The following DNMT3A variants were observed in gnomAD, a reference collection of about 807,000 sequenced individuals.
The protein encoded by DNMT3A is DNA methyltransferase 3 alpha.
In DNMT3A, 267 loss-of-function variants were observed where a neutral mutation model predicts 117.6. That is an observed-to-expected ratio of 2.27 (90% CI 2.05 to 2.51). The LOEUF is 2.51. Among genes scored for constraint, DNMT3A ranks in the 30% most tolerant of loss-of-function variants. The probability of loss-of-function intolerance (pLI) is 0.00; values close to 1 mark genes in which losing one functional copy is unlikely to be tolerated. For missense variants in DNMT3A, 1,029 were observed against 1,260.2 expected, an observed-to-expected ratio of 0.82 and a Z score of 2.78; for synonymous variants, 432 against 474.8, an observed-to-expected ratio of 0.91 and a Z score of 1.17.
At chr2:25,275,690 GC>G in intron 4 of DNMT3A, 147 bp from the exon 5 acceptor site, 1 of 846,500 alleles carries the variant, frequency 1.2e-6, no homozygotes, top group Middle Eastern at 3.3e-4. Flanking sequence ...AAATATGATG[GC>G]CCACCACATG....
At chr2:25,325,034 C>T (rs1331707259) in intron 1 of DNMT3A, among the ~76,000 whole-genome samples, 1 of 152,116 alleles carries the variant, frequency 6.6e-6, no homozygotes, top group East Asian at 1.9e-4. Flanking sequence ...AGCAGGAGCA[C>T]TTATGATCAC....
chr2:25,290,685 G>T (rs1210867671), intron 3 of DNMT3A, among the ~76,000 whole-genome samples: 2 of 152,138 alleles, frequency 1.3e-5, no homozygotes, highest in South Asian at 2.1e-4. Flanking sequence ...AATCCAGGAG[G>T]AGGAGAGGTG....
intron 1 of DNMT3A, among the ~76,000 whole-genome samples, chr2:25,317,058 T>C (rs1403645373): frequency 6.6e-6 from 1 of 152,180 alleles, no homozygotes; most frequent in African/African-American, 2.4e-5. Flanking sequence ...ATAGAAACAT[T>C]TTTTGTTTGT....
intron 19 of DNMT3A, 44 bp from the exon 20 acceptor site, chr2:25,239,259 T>G (rs757658409): frequency 3.2e-6 from 5 of 1,573,218 alleles, no homozygotes; most frequent in Non-Finnish European, 4.4e-6. Flanking sequence ...AGGAGGAGCA[T>G]GAAACAGCGC....
At chr2:25,315,871 C>A (rs537163927) in intron 1 of DNMT3A, among the ~76,000 whole-genome samples, 78 of 152,348 alleles carry the variant, frequency 5.1e-4, no homozygotes, top group South Asian at 1.7e-3. Context: ...ACAGACATCT[C>A]CAGCCACACT....
chr2:25,318,021 CA>C (rs1301813524), intron 1 of DNMT3A, among the ~76,000 whole-genome samples: 6 of 152,154 alleles, frequency 3.9e-5, no homozygotes, highest in African/African-American at 1.4e-4. Flanking sequence ...AGGCATGAGC[CA>C]CCGCGCCGGC....
At chr2:25,317,816 A>G (rs891674655) in intron 1 of DNMT3A, among the ~76,000 whole-genome samples, 8 of 152,118 alleles carry the variant, frequency 5.3e-5, no homozygotes, top group Non-Finnish European at 7.4e-5. Flanking sequence ...GCTCACCGCA[A>G]CCTCCGCCTC....
At chr2:25,309,284 G>A (rs1313340190) in intron 2 of DNMT3A, among the ~76,000 whole-genome samples, 1 of 152,246 alleles carries the variant, frequency 6.6e-6, no homozygotes, top group Non-Finnish European at 1.5e-5. Flanking sequence ...GAGGGAGGAA[G>A]AGAAGAAAAG....
intron 16 of DNMT3A, among the ~76,000 whole-genome samples, chr2:25,242,994 C>T (rs773529632): frequency 9.9e-5 from 15 of 152,258 alleles, no homozygotes; most frequent in South Asian, 8.3e-4. Context: ...TGGAACCTTA[C>T]GCAACACTTA....
At chr2:25,338,897 A>C (rs1480451491) in intron 1 of DNMT3A, among the ~76,000 whole-genome samples, 1 of 152,170 alleles carries the variant, frequency 6.6e-6, no homozygotes. Context: ...CTTACTGTGA[A>C]TTGGACTTGA....
chr2:25,313,836 G>T (rs2034251756), intron 2 of DNMT3A, 77 bp downstream of exon 2: 2 of 1,545,588 alleles, frequency 1.3e-6, no homozygotes, highest in Non-Finnish European at 1.7e-6. Flanking sequence ...TCAGTATGAG[G>T]AGCCGGCTGT....
intron 6 of DNMT3A, among the ~76,000 whole-genome samples, chr2:25,250,765 C>A (rs1451822744): frequency 6.6e-6 from 1 of 152,218 alleles, no homozygotes; most frequent in Non-Finnish European, 1.5e-5. Flanking sequence ...TCCAAAGACC[C>A]CGTTTCCAGG....
In DNMT3A at chr2:25,314,015, C is replaced by G. The variant is rs776357460; in HGVS notation, c.-31G>C. 1 of 1,521,250 alleles carries G rather than the reference C, an allele frequency of 6.6e-7. No homozygotes were observed. The highest frequency in any genetic ancestry group is 8.8e-7 in the Non-Finnish European group (1 of 1,133,402). 94.2% of individuals were successfully genotyped at this position (1,521,250 alleles called of 1,614,324 possible). On this transcript the variant is annotated 5_prime_UTR_variant, in exon 2 of 23. Coordinates refer to ENST00000321117, the MANE Select transcript of DNMT3A (RefSeq NM_022552.5). ...CGCCGGGAGGCAGGCTGGGGCTGCG[C>G]GGGGCTGGGGGGCTGCTGGGCTTTG... is the stretch of plus-strand genomic sequence containing the variant.
intron 6 of DNMT3A, among the ~76,000 whole-genome samples, chr2:25,270,171 G>C (rs973392834): frequency 6.6e-6 from 1 of 152,328 alleles, no homozygotes; most frequent in East Asian, 1.9e-4. Context: ...AAAAGCCCAA[G>C]TGTCTTGTGC....
chr2:25,293,237 G>A lies in DNMT3A; in HGVS notation c.177+6902C>T, dbSNP rs2032890884. ...CAGCAGCATAGGCTTGGCCAATTCT[G>A]CCCCGCCACTGCCACCCCCCACAGG... On this transcript the variant is annotated intron_variant, in intron 3 of 22. Transcript: ENST00000321117. This position sits in a 1 kb window ranked among gnomAD's most constrained non-coding sequence, Gnocchi z 4.7. 6.6e-6 allele frequency among the ~76,000 whole-genome samples: 1 copy of A among 151,884 alleles called. No individual in the cohort carries two copies. Among genetic ancestry groups the A allele is most frequent in the Non-Finnish European group, 1.5e-5 (1 of 67,940 alleles).
At chr2:25,320,545 T>C (rs1180343976) in intron 1 of DNMT3A, among the ~76,000 whole-genome samples, 2 of 152,018 alleles carry the variant, frequency 1.3e-5, no homozygotes, top group South Asian at 2.1e-4. Flanking sequence ...GGTAACAGTA[T>C]TGTTAAAGAA....
Position 25,252,289 on chromosome 2 carries a change from G to T in DNMT3A, c.640-4037C>A. The T allele has an allele frequency of 1.6e-6, 2 of 1,237,578 alleles. No individual in the cohort carries two copies. Among genetic ancestry groups the T allele is most frequent in the Non-Finnish European group, 2.2e-6 (2 of 912,096 alleles). 76.7% of individuals were successfully genotyped at this position (1,237,578 alleles called of 1,614,324 possible). On this transcript the variant is annotated intron_variant, in intron 6 of 22. Transcript: ENST00000321117. The surrounding 1 kb of genome is among the most constrained non-coding windows in gnomAD (Gnocchi z 5.5). Reference sequence around the variant, plus strand: ...AGCTGCCCGTCTTGGGGGAGGGGAAGGGGGCGATGGGGCTGGGGGCGGAGG... The same window carrying T: ...AGCTGCCCGTCTTGGGGGAGGGGAATGGGGCGATGGGGCTGGGGGCGGAGG...
rs1041374124 is a variant in DNMT3A at position 25,337,744 on chromosome 2, A to G, written c.-178+4082T>C. Among the ~76,000 whole-genome samples, 3 of 152,236 alleles carry G rather than the reference A, an allele frequency of 2.0e-5. No individual in the cohort carries two copies. The highest frequency in any genetic ancestry group is 2.0e-4 in the Admixed American group (3 of 15,286). ...ATACAGACATAAATCTCAGGCTGAC[A>G]CTTCATGGATCTCAGATTTGGTCAT... is the stretch of plus-strand genomic sequence containing the variant. On this transcript the variant is annotated intron_variant, in intron 1 of 22. Coordinates refer to ENST00000321117, the MANE Select transcript of DNMT3A (RefSeq NM_022552.5). The surrounding 1 kb of genome is among the most constrained non-coding windows in gnomAD (Gnocchi z 5.0).
chr2:25,261,673 T>G (rs947075588), intron 6 of DNMT3A, among the ~76,000 whole-genome samples: 2 of 151,850 alleles, frequency 1.3e-5, no homozygotes. Flanking sequence ...AGTAAAGGGC[T>G]GCATAGATAG....
Sources: gnomAD v4.1 joint callset for allele counts (sites outside exome capture counted in the v4.1 genomes callset) on GRCh38, gnomAD v4.1.1 for gene constraint, Gnocchi (gnomAD v3.1) non-coding constraint, MANE v1.5 for transcripts, NCBI Gene and HGNC (gene_info 2026-07-23, HGNC 2026-07-21) for gene names.